PARD3: variants seen among roughly 807,000 people sequenced by gnomAD.
PARD3 encodes par-3 family cell polarity regulator, also known as partitioning defective 3 homolog.
Under a neutral mutation model 155.4 loss-of-function variants are expected in PARD3, and 75 were observed. That is an observed-to-expected ratio of 0.48 (90% CI 0.40 to 0.58). The LOEUF (loss-of-function observed/expected upper bound fraction) is 0.58. PARD3 is among the 20% of genes least tolerant of loss of function. The pLI is 0.00. For synonymous variants in PARD3, 576 were observed against 610.5 expected, an observed-to-expected ratio of 0.94 and a Z score of 0.83; for missense variants, 1,642 against 1,721.7, an observed-to-expected ratio of 0.95 and a Z score of 0.82.
intron 8 of PARD3, among the ~76,000 whole-genome samples, chr10:34,383,915 C>T (rs1842099409): frequency 2.0e-5 from 3 of 152,162 alleles, no homozygotes; most frequent in South Asian, 2.1e-4. Context: ...GGCCATAATA[C>T]TTAAGAAGAG....
chr10:34,386,250 C>T (rs923727549), intron 7 of PARD3, among the ~76,000 whole-genome samples: 5 of 152,010 alleles, frequency 3.3e-5, no homozygotes, highest in Non-Finnish European at 5.9e-5. Context: ...CTAGTAAAAA[C>T]AATATTATGT....
intron 2 of PARD3, among the ~76,000 whole-genome samples, chr10:34,607,773 C>A (rs905314367): frequency 1.3e-5 from 2 of 152,176 alleles, no homozygotes; most frequent in East Asian, 1.9e-4. Context: ...TCAACTCCCA[C>A]GCCATTCTGT....
At chr10:34,628,718 G>A (rs11009839) in intron 2 of PARD3, among the ~76,000 whole-genome samples, 10 of 152,192 alleles carry the variant, frequency 6.6e-5, no homozygotes, top group African/African-American at 2.4e-4. Flanking sequence ...GACCAGGATG[G>A]ACAGAGAGGC....
chr10:34,483,344 C>G (rs1397467985), intron 3 of PARD3, among the ~76,000 whole-genome samples: 1 of 151,822 alleles, frequency 6.6e-6, no homozygotes. Flanking sequence ...TAGCTAGGCA[C>G]AGTGGCACGC....
At chr10:34,798,884 C>A (rs1373659554) in intron 1 of PARD3, among the ~76,000 whole-genome samples, 1 of 152,084 alleles carries the variant, frequency 6.6e-6, no homozygotes, top group African/African-American at 2.4e-5. Context: ...GGAGGTTGGC[C>A]TGGGCCAGGA....
At chr10:34,604,734 C>G (rs1482873615) in intron 2 of PARD3, among the ~76,000 whole-genome samples, 1 of 151,020 alleles carries the variant, frequency 6.6e-6, no homozygotes, top group African/African-American at 2.4e-5. Flanking sequence ...GAACTATAAG[C>G]AACAAAGATA....
intron 1 of PARD3, among the ~76,000 whole-genome samples, chr10:34,775,791 A>G (rs191146028): frequency 3.2e-4 from 48 of 152,354 alleles, no homozygotes; most frequent in Middle Eastern, 3.4e-3. Context: ...ATCAAGATGT[A>G]AAGAGAAATC....
At position 34,467,823 on chromosome 10, in the gene PARD3, A is replaced by G. The variant is rs1246317608; in HGVS notation, c.582+2262T>C. ...GTGGATGTGGTTAATTGGCAGTGAG[A>G]GTCTCAGTGCTCTCCTAACGTGTTC... On this transcript the variant is annotated intron_variant, in intron 4 of 24. Coordinates refer to ENST00000374788, the MANE Select transcript of PARD3 (RefSeq NM_001184785.2). Among the ~76,000 whole-genome samples, 5 of 152,304 alleles carry G rather than the reference A, an allele frequency of 3.3e-5. No individual in the cohort carries two copies. The East Asian group carries it at 9.6e-4, about 29-fold the overall frequency.
At chr10:34,797,281 G>A (rs1028906669) in intron 1 of PARD3, among the ~76,000 whole-genome samples, 4 of 152,172 alleles carry the variant, frequency 2.6e-5, no homozygotes, top group African/African-American at 7.2e-5. Flanking sequence ...CTCCCGAGTA[G>A]CTGAGACTAC....
chr10:34,122,073 A>G (rs930955577), intron 23 of PARD3, among the ~76,000 whole-genome samples: 23 of 152,238 alleles, frequency 1.5e-4, no homozygotes, highest in African/African-American at 5.1e-4. Context: ...ACTGGACAGA[A>G]AGAAAACACT....
intron 22 of PARD3, among the ~76,000 whole-genome samples, chr10:34,202,771 G>A (rs777667995): frequency 2.0e-5 from 3 of 152,190 alleles, no homozygotes; most frequent in Non-Finnish European, 2.9e-5. Context: ...GAAGGAAAAA[G>A]AAGGGTCTAA....
chr10:34,478,908 T>C (rs374930987), intron 3 of PARD3, among the ~76,000 whole-genome samples: 2 of 152,134 alleles, frequency 1.3e-5, no homozygotes, highest in Admixed American at 6.5e-5. Context: ...ATCTATACCA[T>C]TACAATTCTC....
At chr10:34,781,628 A>G (rs1185765919) in intron 1 of PARD3, among the ~76,000 whole-genome samples, 1 of 152,224 alleles carries the variant, frequency 6.6e-6, no homozygotes, top group Non-Finnish European at 1.5e-5. Flanking sequence ...CTTTATAATA[A>G]CTTATTTGTT....
chr10:34,660,192 T>C (rs927595486), intron 2 of PARD3, among the ~76,000 whole-genome samples: 3 of 152,188 alleles, frequency 2.0e-5, no homozygotes, highest in Non-Finnish European at 4.4e-5. Flanking sequence ...ATGCAATTTT[T>C]CCCCTGCCTC....
intron 22 of PARD3, among the ~76,000 whole-genome samples, chr10:34,153,632 C>T (rs578103951): frequency 6.6e-6 from 1 of 152,156 alleles, no homozygotes; most frequent in South Asian, 2.1e-4. Flanking sequence ...TATCTTTTAT[C>T]AGTAGTCAGT....
chr10:34,292,037 T>C (rs1956698986), intron 20 of PARD3, among the ~76,000 whole-genome samples: 1 of 152,206 alleles, frequency 6.6e-6, no homozygotes, highest in Non-Finnish European at 1.5e-5. Context: ...ACTGCCCACA[T>C]ACCCATTCAC....
intron 23 of PARD3, among the ~76,000 whole-genome samples, chr10:34,126,393 A>G (rs1947293275): frequency 6.6e-6 from 1 of 152,210 alleles, no homozygotes; most frequent in Non-Finnish European, 1.5e-5. Context: ...ATTGGCTTAC[A>G]TATTTTTCTC....
intron 3 of PARD3, among the ~76,000 whole-genome samples, chr10:34,483,468 T>G (rs1589734989): frequency 8.2e-6 from 1 of 121,862 alleles, no homozygotes; most frequent in Admixed American, 1.0e-4. Context: ...GACGACAGAG[T>G]GAGACTCTGT....
intron 22 of PARD3, among the ~76,000 whole-genome samples, chr10:34,267,011 T>C (rs1014499973): frequency 1.3e-5 from 2 of 152,172 alleles, no homozygotes; most frequent in Non-Finnish European, 2.9e-5. Context: ...TTCTGAGCTG[T>C]GTGAAAAACT....
Sources: allele counts gnomAD v4.1 joint callset (sites outside exome capture counted in the v4.1 genomes callset), GRCh38; gene constraint gnomAD v4.1.1; transcripts MANE v1.5; gene names NCBI Gene and HGNC (gene_info 2026-07-23, HGNC 2026-07-21).